DCC: variants seen among roughly 807,000 people sequenced by gnomAD.
The protein encoded by DCC is netrin receptor DCC.
DCC carries 58 observed loss-of-function variants against 172.5 expected under a neutral mutation model. The ratio of observed to expected loss-of-function variants is 0.34; its 90% CI spans 0.27 to 0.42. DCC has a LOEUF of 0.42. Among genes scored for constraint, DCC ranks in the 10% least tolerant of loss-of-function variants. The pLI, the probability that DCC is intolerant of heterozygous loss-of-function variation, is 1.00. For missense variants in DCC, 1,740 were observed against 1,791.0 expected, an observed-to-expected ratio of 0.97 and a Z score of 0.51; for synonymous variants, 709 against 644.5, an observed-to-expected ratio of 1.10 and a Z score of -1.52.
chr18:52,458,171 C>G (rs1473203719), intron 1 of DCC, among the ~76,000 whole-genome samples: 9 of 152,194 alleles, frequency 5.9e-5, no homozygotes. Context: ...CCCAGGGTTT[C>G]ATTCTGCTTC....
intron 1 of DCC, among the ~76,000 whole-genome samples, chr18:52,538,307 T>C (rs1469514443): frequency 2.0e-5 from 3 of 152,200 alleles, no homozygotes; most frequent in South Asian, 2.1e-4. Flanking sequence ...TCTATCCTTT[T>C]AAAATCCTAC....
chr18:53,500,717 A>G (rs1105642), intron 27 of DCC, among the ~76,000 whole-genome samples: 130,347 of 151,632 alleles, frequency 0.86, 56,240 homozygotes, highest in Non-Finnish European at 0.88. Context: ...GGAGCATGAA[A>G]GCATGTAGGA....
At chr18:53,488,431 GACTGGT>G (rs1232473109) in intron 26 of DCC, among the ~76,000 whole-genome samples, 1 of 152,008 alleles carries the variant, frequency 6.6e-6, no homozygotes, top group Non-Finnish European at 1.5e-5. Context: ...TCTCCATCAT[GACTGGT>G]ACAAGCCAAA....
intron 2 of DCC, among the ~76,000 whole-genome samples, chr18:52,882,704 T>C (rs1470035755): frequency 6.6e-6 from 1 of 152,182 alleles, no homozygotes; most frequent in Non-Finnish European, 1.5e-5. Flanking sequence ...GAATGGTTCA[T>C]GTCCTGAGGA....
At chr18:52,633,953 T>C (rs79612797) in intron 1 of DCC, among the ~76,000 whole-genome samples, 20,715 of 152,254 alleles carry the variant, frequency 0.14, 1,818 homozygotes, top group Non-Finnish European at 0.2. Context: ...GACTGAGCTA[T>C]GGAGGGACAC....
At chr18:52,683,160 G>A (rs1312377147) in intron 1 of DCC, among the ~76,000 whole-genome samples, 1 of 152,058 alleles carries the variant, frequency 6.6e-6, no homozygotes, top group Non-Finnish European at 1.5e-5. Context: ...AGGAATGATT[G>A]CAAGTCTTTG....
intron 9 of DCC, among the ~76,000 whole-genome samples, chr18:53,200,972 C>A (rs980834193): frequency 5.9e-5 from 9 of 152,108 alleles, no homozygotes; most frequent in Admixed American, 1.3e-4. Context: ...GCAAATTTGC[C>A]ACCTACTATG....
At chr18:53,120,336 A>G (rs2043467034) in intron 7 of DCC, among the ~76,000 whole-genome samples, 2 of 151,802 alleles carry the variant, frequency 1.3e-5, no homozygotes, top group Non-Finnish European at 2.9e-5. Flanking sequence ...ATAACCTTAG[A>G]GAATGTTATT....
chr18:52,624,121 CAG>C (rs1235283837), intron 1 of DCC, among the ~76,000 whole-genome samples: 1 of 152,102 alleles, frequency 6.6e-6, no homozygotes, highest in Non-Finnish European at 1.5e-5. Context: ...GTAAATCACA[CAG>C]ATAAGATCCC....
At chr18:52,558,640 T>C (rs1145285) in intron 1 of DCC, among the ~76,000 whole-genome samples, 145,472 of 152,160 alleles carry the variant, frequency 0.96, 69,907 homozygotes, top group Middle Eastern at 1. Context: ...ACCCATGTAG[T>C]GGGGTCTCCT....
chr18:53,120,869 G>A (rs532834054), intron 7 of DCC, among the ~76,000 whole-genome samples: 6 of 151,934 alleles, frequency 3.9e-5, no homozygotes, highest in South Asian at 4.1e-4. Flanking sequence ...TAAATTAATA[G>A]ATGTTTGTTT....
intron 1 of DCC, among the ~76,000 whole-genome samples, chr18:52,443,376 T>C (rs1988026807): frequency 6.6e-6 from 1 of 152,136 alleles, no homozygotes; most frequent in African/African-American, 2.4e-5. Flanking sequence ...ACATAATCTA[T>C]TGAAGAGAGA....
chr18:53,351,464 G>GTATATATATATA (rs35650757), intron 15 of DCC, among the ~76,000 whole-genome samples: 1 of 33,246 alleles, frequency 3.0e-5, no homozygotes, highest in South Asian at 1.0e-3. Context: ...TATACACAGT[G>GTATATATATATA]TGTATATATA....
chr18:52,739,399 C>A (rs774680896), intron 1 of DCC, among the ~76,000 whole-genome samples: 27 of 152,050 alleles, frequency 1.8e-4, no homozygotes, highest in Non-Finnish European at 3.2e-4. Context: ...CTGAAATAGG[C>A]AAGGGTTCCC....
At chr18:53,523,182 A>T (rs989503420) in intron 27 of DCC, among the ~76,000 whole-genome samples, 3 of 152,208 alleles carry the variant, frequency 2.0e-5, no homozygotes, top group Non-Finnish European at 4.4e-5. Flanking sequence ...ATCACTGGTC[A>T]TTAGAGAAAT....
intron 1 of DCC, among the ~76,000 whole-genome samples, chr18:52,610,602 C>A (rs2034259365): frequency 6.6e-6 from 1 of 151,612 alleles, no homozygotes; most frequent in Non-Finnish European, 1.5e-5. Context: ...TTGACATGGA[C>A]CCCTCTACAC....
chr18:53,195,651 A>G (rs1382347633), intron 9 of DCC, among the ~76,000 whole-genome samples: 1 of 152,080 alleles, frequency 6.6e-6, no homozygotes, highest in Non-Finnish European at 1.5e-5. Context: ...GGAAAGGCTC[A>G]TGTCAAGTAT....
intron 27 of DCC, among the ~76,000 whole-genome samples, chr18:53,521,055 C>T (rs1168516880): frequency 6.6e-6 from 1 of 152,058 alleles, no homozygotes; most frequent in East Asian, 1.9e-4. Flanking sequence ...AAAGGAAGGT[C>T]ATTCGATGAG....
At position 52,826,459 on chromosome 18, in the gene DCC, A is replaced by T. The variant is rs138659595; in HGVS notation, c.412+74085A>T. Among the ~76,000 whole-genome samples the T allele has an allele frequency of 4.8e-3, 728 of 152,238 alleles. 8 individuals are homozygous for T. Among genetic ancestry groups the T allele is most frequent in the African/African-American group, 0.016 (685 of 41,548 alleles). ...TCTTGTTTTTGGTAGAGAAGAGGGA[A>T]CATTCTAAATTTCTTCCATTCTCTT... On this transcript the variant is annotated intron_variant, in intron 2 of 28. Coordinates refer to ENST00000442544, the MANE Select transcript of DCC (RefSeq NM_005215.4).
Sources: allele counts gnomAD v4.1 joint callset (sites outside exome capture counted in the v4.1 genomes callset), GRCh38; gene constraint gnomAD v4.1.1; transcripts MANE v1.5; gene names NCBI Gene and HGNC (gene_info 2026-07-23, HGNC 2026-07-21).